Variants in OR10H4 observed in about 807,000 individuals in gnomAD.
The protein encoded by OR10H4 is olfactory receptor family 10 subfamily H member 4.
A neutral mutation model predicts 10.5 loss-of-function variants in OR10H4; 10 were observed. That is an observed-to-expected ratio of 0.95 (90% CI 0.59 to 1.62). The LOEUF is 1.62. Ranked by LOEUF, OR10H4 falls within the 40% of genes most tolerant of loss-of-function variation. OR10H4 has a pLI of 0.00. For missense variants in OR10H4, 397 were observed against 391.5 expected, an observed-to-expected ratio of 1.01 and a Z score of -0.12; for synonymous variants, 160 against 149.4, an observed-to-expected ratio of 1.07 and a Z score of -0.52.
At position 15,949,384 on chromosome 19, in the gene OR10H4, C is replaced by T. The variant is rs779417665; in HGVS notation, c.377C>T (p.Ala126Val). 3.1e-6 allele frequency: 5 copies of T among 1,614,104 alleles called. No homozygotes were observed. The highest frequency in any genetic ancestry group is 4.5e-5 in the East Asian group (2 of 44,888). ...LLVMGYDRYV[A>V]ICHPLRYNVL... ...GTCATGGGCTATGATCGCTATGTGG[C>T]CATCTGCCACCCACTGCGTTACAAT... is the stretch of plus-strand genomic sequence containing the variant. Residue 126 changes from alanine to valine, a missense_variant, in exon 1 of 1, where the codon GCC becomes GTC. Transcript: ENST00000322107.
At position 15,949,379 on chromosome 19, in the gene OR10H4, T is replaced by C. The variant is rs1485771759; in HGVS notation, c.372T>C (p.Tyr124=). The change falls in exon 1 of 1, where the codon TAT becomes TAC. Residue 124 remains tyrosine, a synonymous_variant. Coordinates refer to ENST00000322107, the MANE Select transcript of OR10H4 (RefSeq NM_001004465.1). The part of the protein sequence containing the change: ...FLLLVMGYDR[Y]VAICHPLRYN... ...TCCTGGTCATGGGCTATGATCGCTATGTGGCCATCTGCCACCCACTGCGTT... is the reference window on the plus strand; with the variant it reads ...TCCTGGTCATGGGCTATGATCGCTACGTGGCCATCTGCCACCCACTGCGTT... 2 of 1,614,244 alleles carry C rather than the reference T, an allele frequency of 1.2e-6. No homozygotes were observed. The highest frequency in any genetic ancestry group is 4.5e-5 in the East Asian group (2 of 44,884).
Position 15,949,288 on chromosome 19 carries a change from C to A in OR10H4, c.281C>A (p.Thr94Asn). The A allele has an allele frequency of 1.2e-6, 2 of 1,614,256 alleles. No individual in the cohort carries two copies. The highest frequency in any genetic ancestry group is 1.7e-5 in the Admixed American group (1 of 60,030). ...CTGCTTTCCACCCATCATTCCATCA[C>A]CTTTGTGGCTTGTGCCAACCAGATG... is the stretch of plus-strand genomic sequence containing the variant. Reference protein sequence around the residue: ...ADLLSTHHSITFVACANQMFF... With the variant: ...ADLLSTHHSINFVACANQMFF... Residue 94 changes from threonine (T) to asparagine (N), a missense_variant, in exon 1 of 1, where the codon ACC becomes AAC. By Grantham distance (65) the Thr-to-Asn change is moderately conservative. Transcript: ENST00000322107.
Position 15,949,499 on chromosome 19 carries a change from T to A in OR10H4, c.492T>A (p.Val164=). The A allele has an allele frequency of 6.2e-7, 1 of 1,614,184 alleles. No individual in the cohort carries two copies. Among genetic ancestry groups the A allele is most frequent in the Non-Finnish European group, 8.5e-7 (1 of 1,180,034 alleles). ...TGGGGATGATGGTGACAACGATAGT[T>A]TTCCACCTCACTTTCTGTGGGTCTA... ...SVMGMMVTTI[V]FHLTFCGSNV... is the part of the protein sequence containing the mutation. The change falls in exon 1 of 1, where the codon GTT becomes GTA. Residue 164 remains valine, a synonymous_variant. Transcript: ENST00000322107.
Position 15,949,441 on chromosome 19 carries a change from T to G in OR10H4, c.434T>G (p.Leu145Arg). 1 of 1,614,244 alleles carries G rather than the reference T, an allele frequency of 6.2e-7. No individual in the cohort carries two copies. Among genetic ancestry groups the G allele is most frequent in the African/African-American group, 1.3e-5 (1 of 75,078 alleles). The change falls in exon 1 of 1, where the codon CTT becomes CGT. Residue 145 changes from leucine (L) to arginine (R), a missense_variant. By Grantham distance (102) the Leu-to-Arg change is moderately radical. Transcript: ENST00000322107. The part of the protein sequence containing the change: ...VLMSPRDCAH[L>R]VACTWAGGSV... ...ATGAGCCCCCGTGACTGTGCCCATC[T>G]TGTGGCCTGTACCTGGGCTGGTGGC...
chr19:15,949,826 C>T lies in OR10H4; in HGVS notation c.819C>T (p.Asp273=), dbSNP rs151140280. 144 of 1,614,138 alleles carry T rather than the reference C, an allele frequency of 8.9e-5. No homozygotes were observed. The highest frequency in any genetic ancestry group is 1.6e-4 in the Middle Eastern group (1 of 6,062). Residue 273 remains aspartate (D), a synonymous_variant, in exon 1 of 1, where the codon GAC becomes GAT. Transcript: ENST00000322107. ...AGGGCCTCCATTCTATGTACAGTGACGCCTTGATGGCCACCACCTATACTG... is the reference window on the plus strand; with the variant it reads ...AGGGCCTCCATTCTATGTACAGTGATGCCTTGATGGCCACCACCTATACTG... The part of the protein sequence containing the change: ...KPKGLHSMYS[D]ALMATTYTVF...
Position 15,949,380 on chromosome 19 carries a change from G to T in OR10H4, c.373G>T (p.Val125Leu), listed in dbSNP as rs1203880044. ...LLLVMGYDRY[V>L]AICHPLRYNV... ...CCTGGTCATGGGCTATGATCGCTAT[G>T]TGGCCATCTGCCACCCACTGCGTTA... The change falls in exon 1 of 1, where the codon GTG (valine) becomes TTG (leucine). Residue 125 changes from valine to leucine, a missense_variant. Physicochemically the swap from Val to Leu is conservative, Grantham distance 32. Transcript: ENST00000322107. 6.2e-7 allele frequency: 1 copy of T among 1,614,168 alleles called. No homozygotes were observed. Among genetic ancestry groups the T allele is most frequent in the Non-Finnish European group, 8.5e-7 (1 of 1,180,036 alleles).
rs2089830412 is a variant in OR10H4, at chr19:15,949,106, C to T, written c.99C>T (p.Leu33=). Residue 33 remains leucine, a synonymous_variant, in exon 1 of 1, where the codon CTC becomes CTT. Coordinates refer to ENST00000322107, the MANE Select transcript of OR10H4 (RefSeq NM_001004465.1). ...HLLPILFLLY[L]LMFLFTLLGN... ...TGCCCATCTTGTTCCTGCTGTACCT[C>T]CTGATGTTCCTGTTCACATTGCTGG... The T allele has an allele frequency of 3.7e-6, 6 of 1,614,090 alleles. No individual in the cohort carries two copies. The highest frequency in any genetic ancestry group is 5.1e-6 in the Non-Finnish European group (6 of 1,180,030).
rs775429459 is a variant in OR10H4, at chr19:15,949,420, G to A, written c.413G>A (p.Ser138Asn). 6.8e-6 allele frequency: 11 copies of A among 1,614,064 alleles called. No homozygotes were observed. The highest frequency in any genetic ancestry group is 9.3e-6 in the Non-Finnish European group (11 of 1,180,042). ...CHPLRYNVLM[S>N]PRDCAHLVAC... ...CCACTGCGTTACAATGTGCTCATGAGCCCCCGTGACTGTGCCCATCTTGTG... is the reference window on the plus strand; with the variant it reads ...CCACTGCGTTACAATGTGCTCATGAACCCCCGTGACTGTGCCCATCTTGTG... The change falls in exon 1 of 1, where the codon AGC (serine) becomes AAC (asparagine). Residue 138 changes from serine (S) to asparagine (N), a missense_variant. Physicochemically the swap from Ser to Asn is conservative, Grantham distance 46 (BLOSUM62 1). Transcript: ENST00000322107.
rs926301347 is a variant in OR10H4 at position 15,949,045 on chromosome 19, A to G, written c.38A>G (p.Asn13Ser). 3.1e-6 allele frequency: 5 copies of G among 1,613,260 alleles called. No individual in the cohort carries two copies. In the African/African-American group the frequency reaches 6.7e-5, roughly 22 times the overall value. The change falls in exon 1 of 1, where the codon AAC becomes AGC. Residue 13 changes from asparagine (N) to serine (S), a missense_variant. Asn to Ser is a conservative substitution (Grantham distance 46). Transcript: ENST00000322107. ...AACTATAGCATCATATCTGAATTTA[A>G]CCTCTTTGGCTTCTCAGCCTTCCCC... is the stretch of plus-strand genomic sequence containing the variant. ...SQNYSIISEFNLFGFSAFPQH... is the reference protein window; with the variant it reads ...SQNYSIISEFSLFGFSAFPQH...
At position 15,949,374 on chromosome 19, in the gene OR10H4, C is replaced by T. The variant is rs199816165; in HGVS notation, c.367C>T (p.Arg123Cys). Reference sequence around the variant, plus strand: ...CCTTCTCCTGGTCATGGGCTATGATCGCTATGTGGCCATCTGCCACCCACT... The same window carrying T: ...CCTTCTCCTGGTCATGGGCTATGATTGCTATGTGGCCATCTGCCACCCACT... ...SFLLLVMGYD[R>C]YVAICHPLRY... Residue 123 changes from arginine to cysteine, a missense_variant, in exon 1 of 1, where the codon CGC becomes TGC. By Grantham distance (180) the Arg-to-Cys change is radical. Coordinates refer to ENST00000322107, the MANE Select transcript of OR10H4 (RefSeq NM_001004465.1). 24 of 1,614,192 alleles carry T rather than the reference C, an allele frequency of 1.5e-5. No individual in the cohort carries two copies. Among genetic ancestry groups the T allele is most frequent in the South Asian group, 6.6e-5 (6 of 91,090 alleles).
chr19:15,949,498 T>C lies in OR10H4; in HGVS notation c.491T>C (p.Val164Ala), dbSNP rs1211656234. 3.1e-6 allele frequency: 5 copies of C among 1,614,218 alleles called. No homozygotes were observed. The highest frequency in any genetic ancestry group is 1.7e-5 in the Admixed American group (1 of 60,024). ...SVMGMMVTTI[V>A]FHLTFCGSNV... is the part of the protein sequence containing the mutation. ...ATGGGGATGATGGTGACAACGATAG[T>C]TTTCCACCTCACTTTCTGTGGGTCT... The change falls in exon 1 of 1, where the codon GTT becomes GCT. Residue 164 changes from valine to alanine, a missense_variant. Val to Ala is a moderately conservative substitution (Grantham distance 64, BLOSUM62 0). Coordinates refer to ENST00000322107, the MANE Select transcript of OR10H4 (RefSeq NM_001004465.1).
At position 15,949,347 on chromosome 19, in the gene OR10H4, T is replaced by A. The variant is rs374738958; in HGVS notation, c.340T>A (p.Phe114Ile). ...FSFMFGFTHS[F>I]LLLVMGYDRY... ...CTTCATGTTTGGCTTCACTCACTCCTTCCTTCTCCTGGTCATGGGCTATGA... is the reference window on the plus strand; with the variant it reads ...CTTCATGTTTGGCTTCACTCACTCCATCCTTCTCCTGGTCATGGGCTATGA... The change falls in exon 1 of 1, where the codon TTC (phenylalanine) becomes ATC (isoleucine). Residue 114 changes from phenylalanine to isoleucine, a missense_variant. Transcript: ENST00000322107. The A allele has an allele frequency of 1.2e-6, 2 of 1,614,238 alleles. No individual in the cohort carries two copies. Among genetic ancestry groups the A allele is most frequent in the African/African-American group, 1.3e-5 (1 of 75,068 alleles).
chr19:15,949,755 G>A lies in OR10H4; in HGVS notation c.748G>A (p.Val250Met), dbSNP rs753552051. 1.2e-6 allele frequency: 2 copies of A among 1,614,188 alleles called. No individual in the cohort carries two copies. Among genetic ancestry groups the A allele is most frequent in the Admixed American group, 1.7e-5 (1 of 60,026 alleles). The change falls in exon 1 of 1, where the codon GTG (valine) becomes ATG (methionine). Residue 250 changes from valine to methionine, a missense_variant. Coordinates refer to ENST00000322107, the MANE Select transcript of OR10H4 (RefSeq NM_001004465.1). ...TACGTGTGTATCCCACCTCACTGTG[G>A]TGGTCACGCACTATAGTTTTGCCTC... ...FSTCVSHLTV[V>M]VTHYSFASFI...
Position 15,949,178 on chromosome 19 carries a change from C to G in OR10H4, c.171C>G (p.His57Gln). ...CAATCTGGATTGAACACAGACTCCA[C>G]ACACCCATGTACCTCTTCTTGTGCA... ...MATIWIEHRL[H>Q]TPMYLFLCTL... Residue 57 changes from histidine to glutamine, a missense_variant, in exon 1 of 1, where the codon CAC becomes CAG. Coordinates refer to ENST00000322107, the MANE Select transcript of OR10H4 (RefSeq NM_001004465.1). 2 of 1,614,204 alleles carry G rather than the reference C, an allele frequency of 1.2e-6. No individual in the cohort carries two copies. The highest frequency in any genetic ancestry group is 2.2e-5 in the South Asian group (2 of 91,080).
chr19:15,949,924 A>T lies in OR10H4; in HGVS notation c.917A>T (p.Asn306Ile). The change falls in exon 1 of 1, where the codon AAC (asparagine) becomes ATC (isoleucine). Residue 306 changes from asparagine (N) to isoleucine (I), a missense_variant. Transcript: ENST00000322107. ...GAGCTGAAGAATGCCATAAATAAAA[A>T]CTTTTACAGAAAATTCTGTCCTCCA... ...NKELKNAINK[N>I]FYRKFCPPSS The T allele has an allele frequency of 6.2e-7, 1 of 1,605,394 alleles. No individual in the cohort carries two copies. The highest frequency in any genetic ancestry group is 2.2e-5 in the East Asian group (1 of 44,862).
In OR10H4 at chr19:15,949,535, C is replaced by T. The variant is rs146994094; in HGVS notation, c.528C>T (p.His176=). Residue 176 remains histidine, a synonymous_variant, in exon 1 of 1, where the codon CAC becomes CAT. Transcript: ENST00000322107. ...HLTFCGSNVI[H]HFFCHVLSLL... ...CTTTCTGTGGGTCTAATGTGATCCA[C>T]CATTTTTTCTGTCATGTGCTTTCCC... 831 of 1,614,194 alleles carry T rather than the reference C, an allele frequency of 5.1e-4. No homozygotes were observed. Among genetic ancestry groups the T allele is most frequent in the Middle Eastern group, 1.2e-3 (7 of 6,062 alleles).
Position 15,949,650 on chromosome 19 carries a change from C to G in OR10H4, c.643C>G (p.Leu215Val). The change falls in exon 1 of 1, where the codon CTC becomes GTC. Residue 215 changes from leucine to valine, a missense_variant. By Grantham distance (32) the Leu-to-Val change is conservative. Transcript: ENST00000322107. ...CVTALIGCLF[L>V]IILSYVFIVA... ...CACAGCCCTGATAGGCTGTTTATTC[C>G]TCATCATCCTCTCCTATGTCTTCAT... The G allele has an allele frequency of 6.2e-7, 1 of 1,614,180 alleles. No individual in the cohort carries two copies. Among genetic ancestry groups the G allele is most frequent in the Middle Eastern group, 1.6e-4 (1 of 6,062 alleles).
At position 15,949,591 on chromosome 19, in the gene OR10H4, C is replaced by A. The variant is rs1458018137; in HGVS notation, c.584C>A (p.Ser195Ter). 3 of 1,614,094 alleles carry A rather than the reference C, an allele frequency of 1.9e-6. No individual in the cohort carries two copies. The highest frequency in any genetic ancestry group is 3.3e-5 in the Admixed American group (2 of 60,004). The change falls in exon 1 of 1, where the codon TCA becomes TAA. Residue 195 changes from serine (S) to a stop codon, truncating the protein, a stop_gained. Coordinates refer to ENST00000322107, the MANE Select transcript of OR10H4 (RefSeq NM_001004465.1). LOFTEE classifies it high-confidence loss of function. Reference protein sequence around the residue: ...LLKLACENKTSSVIMGVMLVC... With the variant: ...LLKLACENKT ...AAGTTGGCCTGTGAAAACAAGACAT[C>A]ATCTGTCATCATGGGTGTGATGCTG...
rs754190172 is a variant in OR10H4 at position 15,949,032 on chromosome 19, A to G, written c.25A>G (p.Ile9Val). The G allele has an allele frequency of 6.2e-6, 10 of 1,612,464 alleles. No homozygotes were observed. The highest frequency in any genetic ancestry group is 1.7e-5 in the Admixed American group (1 of 59,998). MPSQNYSI[I>V]SEFNLFGFSA... The stretch of plus-strand genomic sequence containing the variant: ...CATGCCTAGTCAGAACTATAGCATC[A>G]TATCTGAATTTAACCTCTTTGGCTT... The change falls in exon 1 of 1, where the codon ATA becomes GTA. Residue 9 changes from isoleucine (I) to valine (V), a missense_variant. Ile to Val is a conservative substitution (Grantham distance 29). Transcript: ENST00000322107.
Sources: allele counts gnomAD v4.1 joint callset, GRCh38; gene constraint gnomAD v4.1.1; transcripts MANE v1.5; gene names NCBI Gene and HGNC (gene_info 2026-07-23, HGNC 2026-07-21).